The following EYA2 variants were observed in gnomAD, a reference collection of about 807,000 sequenced individuals.
The protein encoded by EYA2 is EYA transcriptional coactivator and phosphatase 2, also known as protein phosphatase EYA2.
In EYA2, 31 loss-of-function variants were observed where a neutral mutation model predicts 69.2. The observed-to-expected ratio is 0.45, with a 90% CI of 0.34 to 0.60. The LOEUF (loss-of-function observed/expected upper bound fraction) is 0.60, where lower values mean the gene tolerates loss of function less well. EYA2 is among the 20% of genes least tolerant of loss of function. The pLI, the probability that EYA2 is intolerant of heterozygous loss-of-function variation, is 0.02. For synonymous variants in EYA2, 257 were observed against 279.4 expected, an observed-to-expected ratio of 0.92 and a Z score of 0.80; for missense variants, 622 against 701.2, an observed-to-expected ratio of 0.89 and a Z score of 1.28.
chr20:46,934,765 A>G (rs527507650), intron 1 of EYA2, among the ~76,000 whole-genome samples: 2 of 152,308 alleles, frequency 1.3e-5, no homozygotes, highest in East Asian at 3.9e-4. Context: ...TCTCTGGCAG[A>G]GAGAACAGCA....
intron 12 of EYA2, among the ~76,000 whole-genome samples, chr20:47,177,045 G>A (rs952232049): frequency 3.9e-5 from 6 of 151,986 alleles, no homozygotes; most frequent in Admixed American, 3.3e-4. Context: ...TGATCTGCCC[G>A]CCTCGGCCTC....
intron 4 of EYA2, among the ~76,000 whole-genome samples, chr20:47,006,516 A>G (rs574033485): frequency 6.6e-6 from 1 of 152,276 alleles, no homozygotes; most frequent in African/African-American, 2.4e-5. Context: ...TGCTCGTTTC[A>G]TCTTCCCACC....
At position 47,172,760 on chromosome 20, in the gene EYA2, T is replaced by G. The variant is rs1600769224; in HGVS notation, c.1091T>G (p.Leu364Arg). 2 of 1,614,008 alleles carry G rather than the reference T, an allele frequency of 1.2e-6. No homozygotes were observed. Among genetic ancestry groups the G allele is most frequent in the Non-Finnish European group, 1.7e-6 (2 of 1,180,014 alleles). ...GFHSSAPGANLCLGSGVHGGV... is the reference protein window; with the variant it reads ...GFHSSAPGANRCLGSGVHGGV... ...CACAGTTCGGCCCCAGGAGCCAACC[T>G]GTGCCTGGGCTCTGGCGTGCACGGC... is the stretch of plus-strand genomic sequence containing the variant. The change falls in exon 12 of 16, where the codon CTG becomes CGG. Residue 364 changes from leucine (L) to arginine (R), a missense_variant. Physicochemically the swap from Leu to Arg is moderately radical, Grantham distance 102 (BLOSUM62 -2). Around this residue, in one of 2 missense-constraint regions of EYA2, gnomAD observed 257 missense variants for 351.5 expected, o/e 0.73. Transcript: ENST00000327619.
At chr20:47,054,554 C>T (rs961566761) in intron 5 of EYA2, among the ~76,000 whole-genome samples, 2 of 152,170 alleles carry the variant, frequency 1.3e-5, no homozygotes, top group Non-Finnish European at 2.9e-5. Flanking sequence ...GCCTCCTCCC[C>T]TCTCAGATCC....
At chr20:47,081,151 T>A (rs978122409) in intron 7 of EYA2, among the ~76,000 whole-genome samples, 4 of 152,154 alleles carry the variant, frequency 2.6e-5, no homozygotes, top group African/African-American at 9.7e-5. Flanking sequence ...TGTAAATTGT[T>A]CAGTCTCAGG....
At chr20:47,069,865 CAT>C (rs11470210) in intron 5 of EYA2, among the ~76,000 whole-genome samples, 58,809 of 151,260 alleles carry the variant, frequency 0.39, 12,551 homozygotes, top group African/African-American at 0.58. Context: ...TATATATGCA[CAT>C]ATATATATAT....
At chr20:46,933,497 C>G (rs921686233) in intron 1 of EYA2, among the ~76,000 whole-genome samples, 1 of 152,176 alleles carries the variant, frequency 6.6e-6, no homozygotes, top group Non-Finnish European at 1.5e-5. Flanking sequence ...CTCCCACATC[C>G]TAGTCCCACA....
chr20:47,182,357 G>A (rs2034553385), intron 14 of EYA2, among the ~76,000 whole-genome samples: 1 of 151,264 alleles, frequency 6.6e-6, no homozygotes, highest in African/African-American at 2.4e-5. Flanking sequence ...GTCAGGCGCG[G>A]TGGCTCACGC....
chr20:46,961,255 G>T (rs578196177), intron 1 of EYA2, among the ~76,000 whole-genome samples: 1 of 152,304 alleles, frequency 6.6e-6, no homozygotes, highest in African/African-American at 2.4e-5. Flanking sequence ...AAACCCAGGA[G>T]ACGGAGGTTA....
intron 7 of EYA2, among the ~76,000 whole-genome samples, chr20:47,078,827 A>G (rs747852223): frequency 4.6e-5 from 7 of 152,352 alleles, no homozygotes; most frequent in Admixed American, 2.6e-4. Context: ...TAATCTCTCA[A>G]GAAGAAATTG....
At chr20:46,935,836 G>C (rs1021461436) in intron 1 of EYA2, among the ~76,000 whole-genome samples, 1 of 151,616 alleles carries the variant, frequency 6.6e-6, no homozygotes, top group African/African-American at 2.4e-5. Flanking sequence ...TAATAACATA[G>C]ATTATATTAT....
intron 8 of EYA2, among the ~76,000 whole-genome samples, chr20:47,089,601 G>T (rs1017638816): frequency 6.6e-6 from 1 of 152,256 alleles, no homozygotes; most frequent in African/African-American, 2.4e-5. Flanking sequence ...CACCTGGGGG[G>T]TGGGGGATGG....
At chr20:47,160,469 G>A (rs772035793) in intron 10 of EYA2, among the ~76,000 whole-genome samples, 1 of 152,146 alleles carries the variant, frequency 6.6e-6, no homozygotes, top group Non-Finnish European at 1.5e-5. Flanking sequence ...GGGAGATGAT[G>A]GTGGTTTGGA....
intron 9 of EYA2, among the ~76,000 whole-genome samples, chr20:47,135,842 C>CAAAAAAAAAAA (rs1266669397): frequency 7.4e-5 from 4 of 54,030 alleles, no homozygotes; most frequent in Admixed American, 2.1e-4. Context: ...AAAAAAAAAA[C>CAAAAAAAAAAA]AAACAAACAA....
intron 10 of EYA2, among the ~76,000 whole-genome samples, chr20:47,157,303 G>A (rs2033971203): frequency 1.5e-5 from 2 of 136,642 alleles, no homozygotes; most frequent in South Asian, 2.4e-4. Context: ...GCAGTGAGCC[G>A]AGATTGCACA....
At chr20:47,038,298 G>A (rs1478401253) in intron 5 of EYA2, among the ~76,000 whole-genome samples, 3 of 152,064 alleles carry the variant, frequency 2.0e-5, no homozygotes, top group East Asian at 1.9e-4. Context: ...CCAGGAGTTC[G>A]AGACCAGCCT....
At chr20:46,906,851 C>A (rs1015110629) in intron 1 of EYA2, among the ~76,000 whole-genome samples, 4 of 152,162 alleles carry the variant, frequency 2.6e-5, no homozygotes, top group Non-Finnish European at 4.4e-5. Flanking sequence ...CACTTACTTG[C>A]ACAATGAATT....
intron 4 of EYA2, among the ~76,000 whole-genome samples, chr20:47,010,194 G>T (rs774172161): frequency 2.0e-5 from 3 of 152,124 alleles, no homozygotes; most frequent in Non-Finnish European, 4.4e-5. Context: ...TAATGGCAAA[G>T]AATTTTCATT....
At chr20:46,970,090 G>A (rs1286361691) in intron 1 of EYA2, among the ~76,000 whole-genome samples, 3 of 152,114 alleles carry the variant, frequency 2.0e-5, no homozygotes, top group Non-Finnish European at 1.5e-5. Flanking sequence ...AACTCAAAGG[G>A]TCTTTGATTT....
Sources: gnomAD v4.1 joint callset for allele counts (sites outside exome capture counted in the v4.1 genomes callset) on GRCh38, gnomAD v4.1.1 for gene constraint, gnomAD v4.1.1 regional missense constraint, MANE v1.5 for transcripts, NCBI Gene and HGNC (gene_info 2026-07-23, HGNC 2026-07-21) for gene names.